The following DSCAM variants were observed in gnomAD, a reference collection of about 807,000 sequenced individuals.
The protein encoded by DSCAM is DS cell adhesion molecule.
In DSCAM, 47 loss-of-function variants were observed where a neutral mutation model predicts 217.7. That is an observed-to-expected ratio of 0.22 (90% CI 0.17 to 0.28). The LOEUF (loss-of-function observed/expected upper bound fraction) is 0.28. DSCAM is among the 10% of genes least tolerant of loss of function. The pLI is 1.00. For missense variants in DSCAM, 2,080 were observed against 2,618.3 expected, an observed-to-expected ratio of 0.79 and a Z score of 4.49; for synonymous variants, 1,056 against 1,015.3, an observed-to-expected ratio of 1.04 and a Z score of -0.76.
intron 19 of DSCAM, among the ~76,000 whole-genome samples, chr21:40,130,277 G>T (rs2090141455): frequency 6.6e-6 from 1 of 152,148 alleles, no homozygotes; most frequent in South Asian, 2.1e-4. Flanking sequence ...TTTCACAACT[G>T]TTTTTAGAAG....
intron 1 of DSCAM, among the ~76,000 whole-genome samples, chr21:40,842,286 TG>T (rs1291572572): frequency 1.3e-5 from 2 of 152,202 alleles, no homozygotes; most frequent in Non-Finnish European, 2.9e-5. Context: ...GGCACACCCC[TG>T]GGTGCCTGCC....
chr21:40,072,638 G>A lies in DSCAM; in HGVS notation c.4888+2399C>T, dbSNP rs566514155. On this transcript the variant is annotated intron_variant, in intron 27 of 32. Transcript: ENST00000400454. ...GCTAGGATTACAGGTGTGAGCCACC[G>A]CACCCGGCCTCTCCTGTCAGATTCT... 2.0e-4 allele frequency among the ~76,000 whole-genome samples: 31 copies of A among 152,080 alleles called. 2 individuals are homozygous for A. Among genetic ancestry groups the A allele is most frequent in the South Asian group, 1.9e-3 (9 of 4,800 alleles).
chr21:40,617,417 C>T (rs2089417642), intron 3 of DSCAM, among the ~76,000 whole-genome samples: 1 of 152,150 alleles, frequency 6.6e-6, no homozygotes, highest in South Asian at 2.1e-4. Flanking sequence ...AGCCACCGCG[C>T]CCGGCCCAGA....
chr21:40,785,446 G>T (rs970148017), intron 1 of DSCAM, among the ~76,000 whole-genome samples: 6 of 152,202 alleles, frequency 3.9e-5, no homozygotes, highest in African/African-American at 1.2e-4. Flanking sequence ...TAAAATAAGG[G>T]CAGGAAGGCC....
chr21:40,130,753 T>C (rs1227436254), intron 19 of DSCAM, among the ~76,000 whole-genome samples: 1 of 152,224 alleles, frequency 6.6e-6, no homozygotes, highest in Non-Finnish European at 1.5e-5. Flanking sequence ...AAACTACCTG[T>C]AGAGAACAAG....
chr21:40,230,771 C>T (rs941118895), intron 11 of DSCAM, among the ~76,000 whole-genome samples: 2 of 152,094 alleles, frequency 1.3e-5, no homozygotes, highest in Non-Finnish European at 2.9e-5. Flanking sequence ...TATCTTTCTG[C>T]TATTGGCTGG....
chr21:40,050,599 C>T (rs2088914894), intron 30 of DSCAM, among the ~76,000 whole-genome samples: 2 of 152,186 alleles, frequency 1.3e-5, no homozygotes, highest in Non-Finnish European at 2.9e-5. Flanking sequence ...TCTCCTGCCT[C>T]GGCCTTCTGA....
intron 1 of DSCAM, among the ~76,000 whole-genome samples, chr21:40,752,107 C>T (rs1035234970): frequency 7.2e-5 from 11 of 152,214 alleles, no homozygotes; most frequent in Non-Finnish European, 1.0e-4. Context: ...TTCTTTTGCA[C>T]TCCTGACAGC....
chr21:40,094,343 A>G (rs1332481347), intron 20 of DSCAM, among the ~76,000 whole-genome samples: 2 of 152,196 alleles, frequency 1.3e-5, no homozygotes, highest in Non-Finnish European at 2.9e-5. Flanking sequence ...TATTTCTGAT[A>G]AAATAGAGAG....
chr21:40,513,830 G>T (rs144517874), intron 3 of DSCAM, among the ~76,000 whole-genome samples: 48 of 151,858 alleles, frequency 3.2e-4, no homozygotes, highest in Middle Eastern at 6.8e-3. Context: ...ATTAGAGAGA[G>T]AATTTAAAAA....
At chr21:40,596,670 T>C (rs1246061175) in intron 3 of DSCAM, among the ~76,000 whole-genome samples, 1 of 152,154 alleles carries the variant, frequency 6.6e-6, no homozygotes, top group Non-Finnish European at 1.5e-5. Flanking sequence ...ATGACCTACC[T>C]CCTGCACCCC....
chr21:40,498,815 A>ATATATATG (rs1255928209), intron 3 of DSCAM, among the ~76,000 whole-genome samples: 2 of 122,260 alleles, frequency 1.6e-5, no homozygotes, highest in East Asian at 2.5e-4. Flanking sequence ...ATATATATAT[A>ATATATATG]TATACCCATC....
chr21:40,285,326 G>A (rs2073811346), intron 10 of DSCAM, among the ~76,000 whole-genome samples: 1 of 152,182 alleles, frequency 6.6e-6, no homozygotes, highest in South Asian at 2.1e-4. Flanking sequence ...ACACCTAGAA[G>A]AAGGCTTCCA....
At chr21:40,713,967 C>G (rs1199857164) in intron 1 of DSCAM, among the ~76,000 whole-genome samples, 2 of 152,172 alleles carry the variant, frequency 1.3e-5, no homozygotes, top group Admixed American at 1.3e-4. Context: ...CCAGCCATGG[C>G]TCAAGTGGTC....
At chr21:40,201,229 T>G (rs932194354) in intron 11 of DSCAM, among the ~76,000 whole-genome samples, 1 of 152,196 alleles carries the variant, frequency 6.6e-6, no homozygotes, top group African/African-American at 2.4e-5. Context: ...CATTTAGGGT[T>G]CATATTACAT....
chr21:40,187,903 G>A lies in DSCAM; in HGVS notation c.2638C>T (p.Leu880Phe). 6.2e-7 allele frequency: 1 copy of A among 1,613,624 alleles called. No individual in the cohort carries two copies. The highest frequency in any genetic ancestry group is 1.6e-4 in the Middle Eastern group (1 of 6,062). ...SYGEDRGIIQ[L>F]TVQEPPDPPE... is the part of the protein sequence containing the mutation. ...ATCGTCTTCCTACCTTGCACTGTGA[G>A]CTGAATTATTCCACGGTCCTCCCCA... Residue 880 changes from leucine (L) to phenylalanine (F), a missense_variant, in exon 13 of 33, where the codon CTC becomes TTC. This residue lies in a region of DSCAM where 1,144 missense variants were observed against 1,421.1 expected (regional missense o/e 0.81). Coordinates refer to ENST00000400454, the MANE Select transcript of DSCAM (RefSeq NM_001389.5).
chr21:40,474,855 A>T (rs976397778), intron 3 of DSCAM, among the ~76,000 whole-genome samples: 2 of 152,120 alleles, frequency 1.3e-5, no homozygotes, highest in Non-Finnish European at 2.9e-5. Flanking sequence ...GAGGGTTCCC[A>T]CGACGAGAAC....
At chr21:40,491,341 G>T (rs1283909647) in intron 3 of DSCAM, among the ~76,000 whole-genome samples, 1 of 152,022 alleles carries the variant, frequency 6.6e-6, no homozygotes, top group Admixed American at 6.6e-5. Context: ...TGACCAGAGA[G>T]TGATTGCTTC....
intron 11 of DSCAM, among the ~76,000 whole-genome samples, chr21:40,262,467 C>T (rs1229396727): frequency 6.6e-6 from 1 of 152,122 alleles, no homozygotes; most frequent in African/African-American, 2.4e-5. Context: ...ATAAAGTACC[C>T]AGTCTCAAGT....
Sources: gnomAD v4.1 joint callset for allele counts (sites outside exome capture counted in the v4.1 genomes callset) on GRCh38, gnomAD v4.1.1 for gene constraint, gnomAD v4.1.1 regional missense constraint, MANE v1.5 for transcripts, NCBI Gene and HGNC (gene_info 2026-07-23, HGNC 2026-07-21) for gene names.